Variants in SERGEF observed in about 807,000 individuals in gnomAD.
SERGEF encodes secretion regulating guanine nucleotide exchange factor, also known as secretion-regulating guanine nucleotide exchange factor.
A neutral mutation model predicts 50.0 loss-of-function variants in SERGEF; 51 were observed. The observed-to-expected ratio is 1.02, with a 90% confidence interval of 0.81 to 1.29. The LOEUF is 1.29. Ranked by LOEUF, SERGEF falls within the 50% of genes most tolerant of loss-of-function variation. SERGEF has a pLI of 0.00. For synonymous variants in SERGEF, 205 were observed against 212.4 expected, an observed-to-expected ratio of 0.97 and a Z score of 0.30; for missense variants, 521 against 557.0, an observed-to-expected ratio of 0.94 and a Z score of 0.65.
chr11:17,996,050 A>G (rs1192334933), intron 5 of SERGEF, 141 bp from the exon 6 acceptor site: 3 of 659,420 alleles, frequency 4.5e-6, no homozygotes, highest in Admixed American at 2.3e-5. Flanking sequence ...AATTGCTTCA[A>G]GAGGTCCTGT....
At chr11:17,844,728 C>G in intron 10 of SERGEF, among the ~76,000 whole-genome samples, 1 of 152,112 alleles carries the variant, frequency 6.6e-6, no homozygotes, top group African/African-American at 2.4e-5. Flanking sequence ...GAAAGGTCCC[C>G]TGCCCTTCCA....
intron 1 of SERGEF, among the ~76,000 whole-genome samples, chr11:18,011,166 A>ACC (rs1555023737): frequency 2.7e-5 from 4 of 150,566 alleles, no homozygotes; most frequent in Admixed American, 1.3e-4. Flanking sequence ...ACACACACAC[A>ACC]CCCCTAACAA....
intron 9 of SERGEF, among the ~76,000 whole-genome samples, chr11:17,947,468 C>T (rs1190781640): frequency 1.3e-5 from 2 of 152,190 alleles, no homozygotes; most frequent in Non-Finnish European, 2.9e-5. Context: ...CTTTACTGTA[C>T]CAGCTTTAAA....
intron 10 of SERGEF, among the ~76,000 whole-genome samples, chr11:17,840,436 C>T (rs747086513): frequency 3.9e-5 from 6 of 152,150 alleles, no homozygotes; most frequent in Non-Finnish European, 7.4e-5. Flanking sequence ...CCTTCCTGCC[C>T]GCCAGTCCAG....
At chr11:17,874,818 C>A (rs1267685161) in intron 10 of SERGEF, among the ~76,000 whole-genome samples, 1 of 152,156 alleles carries the variant, frequency 6.6e-6, no homozygotes, top group Non-Finnish European at 1.5e-5. Flanking sequence ...ATGCTGAGAT[C>A]TTGCCATGGA....
intron 10 of SERGEF, among the ~76,000 whole-genome samples, chr11:17,873,322 G>T (rs1851181485): frequency 6.6e-6 from 1 of 152,104 alleles, no homozygotes; most frequent in East Asian, 1.9e-4. Context: ...TTGCTGTGAG[G>T]ATTAAATGGG....
chr11:17,912,396 G>C (rs1294634815), intron 9 of SERGEF, among the ~76,000 whole-genome samples: 1 of 152,106 alleles, frequency 6.6e-6, no homozygotes, highest in African/African-American at 2.4e-5. Flanking sequence ...GTTAACAAGA[G>C]GTATTGTACC....
chr11:17,885,417 G>A (rs1486870055), intron 9 of SERGEF, among the ~76,000 whole-genome samples: 3 of 152,094 alleles, frequency 2.0e-5, no homozygotes, highest in Non-Finnish European at 4.4e-5. Flanking sequence ...GAATTCCTGG[G>A]CTCAAGCGAC....
At chr11:17,868,749 C>T (rs1285481549) in intron 10 of SERGEF, among the ~76,000 whole-genome samples, 12 of 152,114 alleles carry the variant, frequency 7.9e-5, no homozygotes, top group Admixed American at 7.9e-4. Context: ...ACAATCATGG[C>T]AGAAAGCAAG....
At chr11:17,886,095 G>C (rs2133905702) in intron 9 of SERGEF, among the ~76,000 whole-genome samples, 1 of 152,070 alleles carries the variant, frequency 6.6e-6, no homozygotes. Flanking sequence ...ATGTGACTTT[G>C]GGTAAATCTC....
intron 9 of SERGEF, among the ~76,000 whole-genome samples, chr11:17,958,389 A>G (rs1387508230): frequency 1.3e-5 from 2 of 152,164 alleles, no homozygotes. Context: ...GGCCATCCTC[A>G]TTCTTCTAAA....
At chr11:17,900,436 T>C (rs185033113) in intron 9 of SERGEF, among the ~76,000 whole-genome samples, 2 of 152,360 alleles carry the variant, frequency 1.3e-5, no homozygotes, top group East Asian at 3.8e-4. Flanking sequence ...ATTTTAAAAT[T>C]TGATCATCTC....
chr11:17,826,433 T>C (rs1187105744), intron 10 of SERGEF, among the ~76,000 whole-genome samples: 1 of 152,202 alleles, frequency 6.6e-6, no homozygotes, highest in Admixed American at 6.5e-5. Context: ...CTCAAACCCT[T>C]CCAAGAGGCT....
intron 8 of SERGEF, among the ~76,000 whole-genome samples, chr11:17,986,480 G>A (rs766921101): frequency 6.6e-6 from 1 of 152,208 alleles, no homozygotes; most frequent in Non-Finnish European, 1.5e-5. Flanking sequence ...TTGAAAGGAG[G>A]CAGAAACCTG....
chr11:17,940,314 G>A (rs1396869864), intron 9 of SERGEF, among the ~76,000 whole-genome samples: 1 of 152,140 alleles, frequency 6.6e-6, no homozygotes, highest in African/African-American at 2.4e-5. Context: ...GGAAAAGACG[G>A]TGCATGGTGA....
intron 8 of SERGEF, among the ~76,000 whole-genome samples, chr11:17,980,549 T>C (rs1279768781): frequency 2.0e-5 from 3 of 152,258 alleles, no homozygotes; most frequent in Non-Finnish European, 4.4e-5. Flanking sequence ...TAATCCCACC[T>C]GGCCCATTTC....
At chr11:17,836,631 A>C (rs1278028350) in intron 10 of SERGEF, among the ~76,000 whole-genome samples, 1 of 152,176 alleles carries the variant, frequency 6.6e-6, no homozygotes, top group Non-Finnish European at 1.5e-5. Context: ...CATATCTCCT[A>C]AACACACTGT....
At chr11:18,000,655 G>C in intron 4 of SERGEF, 98 bp from the exon 5 acceptor site, 2 of 873,290 alleles carry the variant, frequency 2.3e-6, no homozygotes, top group Non-Finnish European at 3.8e-6. Context: ...TCCTCATTAT[G>C]GGTCTGACTG....
intron 10 of SERGEF, among the ~76,000 whole-genome samples, chr11:17,836,526 C>G (rs1342551771): frequency 6.6e-6 from 1 of 152,344 alleles, no homozygotes; most frequent in Admixed American, 6.5e-5. Flanking sequence ...TTTAAGACCT[C>G]TATTGGTTCC....
Sources: gnomAD v4.1 joint callset for allele counts (sites outside exome capture counted in the v4.1 genomes callset) on GRCh38, gnomAD v4.1.1 for gene constraint, MANE v1.5 for transcripts, NCBI Gene and HGNC (gene_info 2026-07-23, HGNC 2026-07-21) for gene names.